NELL2: variants seen among roughly 807,000 people sequenced by gnomAD.
NELL2 encodes the protein neural EGFL like 2.
A neutral mutation model predicts 109.6 loss-of-function variants in NELL2; 41 were observed. The ratio of observed to expected loss-of-function variants is 0.37; its 90% confidence interval spans 0.29 to 0.49. The LOEUF (loss-of-function observed/expected upper bound fraction) is 0.49, where lower values mean the gene tolerates loss of function less well. Among genes scored for constraint, NELL2 ranks in the 20% least tolerant of loss-of-function variants. The pLI, the probability that NELL2 is intolerant of heterozygous loss-of-function variation, is 0.98. For missense variants in NELL2, 900 were observed against 1,008.3 expected (o/e 0.89, Z 1.45); for synonymous variants, 355 against 344.7 (o/e 1.03, Z -0.33).
At chr12:44,547,182 A>G (rs1942831987) in intron 15 of NELL2, among the ~76,000 whole-genome samples, 2 of 152,218 alleles carry the variant, frequency 1.3e-5, no homozygotes, top group Admixed American at 1.3e-4. Flanking sequence ...AAGGCTTGGT[A>G]CGAAGTCTGT....
chr12:44,600,556 A>G (rs1166796218), intron 15 of NELL2, among the ~76,000 whole-genome samples: 1 of 152,252 alleles, frequency 6.6e-6, no homozygotes, highest in East Asian at 1.9e-4. Flanking sequence ...ATATAAAAAA[A>G]TCAGAATTTA....
At chr12:44,729,604 C>T (rs1939261976) in intron 9 of NELL2, among the ~76,000 whole-genome samples, 1 of 147,682 alleles carries the variant, frequency 6.8e-6, no homozygotes, top group Admixed American at 6.7e-5. Flanking sequence ...ATGCTGTCTA[C>T]AAAAGACTTA....
intron 13 of NELL2, among the ~76,000 whole-genome samples, chr12:44,661,009 A>G (rs1947722560): frequency 6.6e-6 from 1 of 152,162 alleles, no homozygotes; most frequent in Non-Finnish European, 1.5e-5. Flanking sequence ...TGTCCACTAA[A>G]GCGTTAACTG....
At chr12:44,878,351 A>G (rs916353442), upstream of NELL2, among the ~76,000 whole-genome samples, 1 of 152,218 alleles carries the variant, frequency 6.6e-6, no homozygotes, top group Non-Finnish European at 1.5e-5. Flanking sequence ...AGGTGTGAAG[A>G]GTTGTTTCTC....
chr12:44,537,173 GAC>G lies in NELL2; in HGVS notation c.1664-4454_1664-4453del, dbSNP rs1491069257. 4.9e-3 allele frequency among the ~76,000 whole-genome samples: 749 copies of G among 152,194 alleles called. 3 individuals are homozygous for G. The highest frequency in any genetic ancestry group is 0.015 in the African/African-American group (640 of 41,540). On this transcript the variant is annotated intron_variant, in intron 15 of 19. Coordinates refer to ENST00000429094, the MANE Select transcript of NELL2 (RefSeq NM_001145108.2). ...TCACTGGCTTCAGAGGCAATCAACTGACAATGGCTTTTGCCAGCAGCATTTAA... is the reference window on the plus strand; with the variant it reads ...TCACTGGCTTCAGAGGCAATCAACTGAATGGCTTTTGCCAGCAGCATTTAA...
At chr12:44,867,815 T>A (rs754699859) in intron 2 of NELL2, among the ~76,000 whole-genome samples, 1 of 152,062 alleles carries the variant, frequency 6.6e-6, no homozygotes, top group African/African-American at 2.4e-5. Flanking sequence ...CAAAAAGTAG[T>A]GTCTCTATGT....
intron 15 of NELL2, among the ~76,000 whole-genome samples, chr12:44,550,127 A>T (rs1942971403): frequency 6.6e-6 from 1 of 152,208 alleles, no homozygotes; most frequent in African/African-American, 2.4e-5. Context: ...GAGTGCCAAG[A>T]ATACACAATG....
chr12:44,902,403 G>A (rs1449313933), intron 1 of NELL2, among the ~76,000 whole-genome samples: 2 of 152,088 alleles, frequency 1.3e-5, no homozygotes, highest in African/African-American at 4.8e-5. Flanking sequence ...AATAATAGAA[G>A]ACACAAACAA....
chr12:44,713,054 C>A (rs992158228), intron 10 of NELL2, among the ~76,000 whole-genome samples: 54 of 151,702 alleles, frequency 3.6e-4, no homozygotes, highest in Non-Finnish European at 3.2e-4. Context: ...TCTAACTGAA[C>A]CTATTTAAAA....
intron 9 of NELL2, among the ~76,000 whole-genome samples, chr12:44,753,876 C>T (rs1162604199): frequency 6.6e-6 from 1 of 152,134 alleles, no homozygotes; most frequent in Non-Finnish European, 1.5e-5. Context: ...AAAATTTCCC[C>T]TAATGAATAA....
chr12:44,608,416 T>C (rs566104697), intron 14 of NELL2, among the ~76,000 whole-genome samples: 202 of 152,110 alleles, frequency 1.3e-3, no homozygotes, highest in Non-Finnish European at 2.6e-3. Flanking sequence ...CTGGAGTAAT[T>C]TGCAAGGTTG....
chr12:44,879,712 G>A (rs1945389086), upstream of NELL2, among the ~76,000 whole-genome samples: 1 of 151,976 alleles, frequency 6.6e-6, no homozygotes, highest in South Asian at 2.1e-4. Context: ...TGATATTACT[G>A]ATTCTTCTGA....
chr12:44,697,813 G>A (rs1220779937), intron 12 of NELL2, among the ~76,000 whole-genome samples: 1 of 152,138 alleles, frequency 6.6e-6, no homozygotes, highest in African/African-American at 2.4e-5. Context: ...TTCTAGGACT[G>A]CCATAATAAA....
intron 2 of NELL2, among the ~76,000 whole-genome samples, chr12:44,833,728 G>A (rs1340919225): frequency 5.9e-5 from 9 of 152,068 alleles, no homozygotes; most frequent in African/African-American, 4.8e-5. Flanking sequence ...CCTTGGACTC[G>A]CGGTACAGCT....
upstream of NELL2, among the ~76,000 whole-genome samples, chr12:44,917,559 C>T (rs1566620911): frequency 1.3e-5 from 2 of 152,160 alleles, no homozygotes; most frequent in Admixed American, 6.5e-5. Context: ...GGTGTTCATA[C>T]CCTGTATAAT....
chr12:44,775,508 CTT>C (rs1941722855), intron 8 of NELL2, among the ~76,000 whole-genome samples: 1 of 152,162 alleles, frequency 6.6e-6, no homozygotes, highest in Non-Finnish European at 1.5e-5. Context: ...AAATATTCTA[CTT>C]CATTAGCGAG....
At chr12:44,726,960 T>C (rs904166260) in intron 9 of NELL2, among the ~76,000 whole-genome samples, 4 of 152,140 alleles carry the variant, frequency 2.6e-5, no homozygotes, top group Admixed American at 2.6e-4. Context: ...TCTTTTAATT[T>C]TTAACAGAGC....
chr12:44,570,430 C>G (rs540422341), intron 15 of NELL2, among the ~76,000 whole-genome samples: 1 of 152,094 alleles, frequency 6.6e-6, no homozygotes, highest in Non-Finnish European at 1.5e-5. Flanking sequence ...TCTCCTATTA[C>G]GTGGCCAGTT....
chr12:44,709,985 G>A (rs760396230), intron 11 of NELL2, among the ~76,000 whole-genome samples: 1 of 152,192 alleles, frequency 6.6e-6, no homozygotes, highest in Non-Finnish European at 1.5e-5. Context: ...GTTCTTTTTA[G>A]AAGTGTTCTT....
Sources: allele counts gnomAD v4.1 joint callset (sites outside exome capture counted in the v4.1 genomes callset), GRCh38; gene constraint gnomAD v4.1.1; transcripts MANE v1.5; gene names NCBI Gene and HGNC (gene_info 2026-07-23, HGNC 2026-07-21).